TMED7: variants seen among roughly 807,000 people sequenced by gnomAD.
The protein encoded by TMED7 is transmembrane p24 trafficking protein 7.
In TMED7, 8 loss-of-function variants were observed where a neutral mutation model predicts 23.4. The observed-to-expected ratio is 0.34, with a 90% CI of 0.20 to 0.62. The LOEUF is 0.62. Ranked by LOEUF, TMED7 falls within the 20% of genes least tolerant of loss-of-function variation. TMED7 has a pLI of 0.77. For missense variants in TMED7, 232 were observed against 279.1 expected, an observed-to-expected ratio of 0.83 and a Z score of 1.20; for synonymous variants, 121 against 108.5, an observed-to-expected ratio of 1.12 and a Z score of -0.72.
Position 115,625,132 on chromosome 5 carries a change from G to T in TMED7, c.192+469C>A, listed in dbSNP as rs553289628. ...TCTACAACTCCCTTGGCAAATGGCC[G>T]TTCAACCTGTAATGGAGCTCTTCCA... On this transcript the variant is annotated intron_variant, in intron 1 of 2. Coordinates refer to ENST00000456936, the MANE Select transcript of TMED7 (RefSeq NM_181836.6). Among the ~76,000 whole-genome samples, 7 of 152,270 alleles carry T rather than the reference G, an allele frequency of 4.6e-5. No individual in the cohort carries two copies. The East Asian group carries it at 1.4e-3, about 29-fold the overall frequency.
In TMED7 at chr5:115,620,280, G is replaced by A. The variant is rs1336947214; in HGVS notation, c.438+155C>T. 4.7e-6 allele frequency: 5 copies of A among 1,057,372 alleles called. No individual in the cohort carries two copies. The Admixed American group carries it at 2.1e-4, about 44-fold the overall frequency. The allele number at this position is 1,057,372 out of a possible 1,614,324, so 65.5% of individuals were successfully genotyped here. Reference sequence around the variant, plus strand: ...TTATTTTTCACTACAAAAGTCTGAAGTTCTCTGTGAAATGCCTACATGTAA... The same window carrying A: ...TTATTTTTCACTACAAAAGTCTGAAATTCTCTGTGAAATGCCTACATGTAA... On this transcript the variant is annotated intron_variant, in intron 2 of 2. Coordinates refer to ENST00000456936, the MANE Select transcript of TMED7 (RefSeq NM_181836.6).
chr5:115,624,975 G>A lies in TMED7; in HGVS notation c.192+626C>T, dbSNP rs73782724. Among the ~76,000 whole-genome samples the A allele has an allele frequency of 4.1e-3, 632 of 152,334 alleles. 3 individuals carry two copies. The highest frequency in any genetic ancestry group is 0.014 in the African/African-American group (597 of 41,574). ...TTCAATAGCTACTCAAATGTTAAAT[G>A]CGCCTACCAACCAAAATTGAAGCTC... On this transcript the variant is annotated intron_variant, in intron 1 of 2. Transcript: ENST00000456936.
At chr5:115,618,839 C>G (rs1407646697) in intron 2 of TMED7, among the ~76,000 whole-genome samples, 1 of 152,098 alleles carries the variant, frequency 6.6e-6, no homozygotes. Flanking sequence ...ACTCTAAATC[C>G]ATCATTTTAT....
intron 1 of TMED7, among the ~76,000 whole-genome samples, chr5:115,622,014 A>G (rs868017102): frequency 3.5e-4 from 54 of 152,324 alleles, no homozygotes; most frequent in Middle Eastern, 3.4e-3. Flanking sequence ...AAAATATGTA[A>G]ATGTTAATAT....
In TMED7 at chr5:115,616,153, TA is replaced by T; in HGVS notation, c.*55del. Reference sequence around the variant, plus strand: ...TATTAAGTTCTTCAGTACCTAAAATTAATTAGAGGACAGCAATATTACAGTG... The same window carrying T: ...TATTAAGTTCTTCAGTACCTAAAATTATTAGAGGACAGCAATATTACAGTG... On this transcript the variant is annotated 3_prime_UTR_variant, in exon 3 of 3. Coordinates refer to ENST00000456936, the MANE Select transcript of TMED7 (RefSeq NM_181836.6). 1 of 1,538,118 alleles carries T rather than the reference TA, an allele frequency of 6.5e-7. No individual in the cohort carries two copies.
intron 1 of TMED7, among the ~76,000 whole-genome samples, chr5:115,621,346 G>A (rs1441629740): frequency 2.0e-5 from 3 of 152,144 alleles, no homozygotes; most frequent in Non-Finnish European, 4.4e-5. Flanking sequence ...GTTGAGTAAC[G>A]GAGTGGGCTA....
rs1429627805 is a variant in TMED7, at chr5:115,614,590, T to C, written c.*1619A>G. 1 of 152,362 alleles carries C rather than the reference T, an allele frequency of 6.6e-6. No homozygotes were observed. The highest frequency in any genetic ancestry group is 6.5e-5 in the Admixed American group (1 of 15,276). The allele number at this position is 152,362 out of a possible 1,614,324, so 9.4% of individuals were successfully genotyped here. A position where few individuals can be genotyped will look rare whatever the true frequency, so the allele number is the denominator to read the frequency against. Reference sequence around the variant, plus strand: ...AATCTTAAACTTCTTAATCCATTGATAAATATTAAGGAGTAGCTGGTCTTC... The same window carrying C: ...AATCTTAAACTTCTTAATCCATTGACAAATATTAAGGAGTAGCTGGTCTTC... On this transcript the variant is annotated 3_prime_UTR_variant, in exon 3 of 3. Coordinates refer to ENST00000456936, the MANE Select transcript of TMED7 (RefSeq NM_181836.6).
intron 1 of TMED7, among the ~76,000 whole-genome samples, chr5:115,623,329 T>C (rs149019529): frequency 6.6e-6 from 1 of 152,196 alleles, no homozygotes. Context: ...GCTGGTCACA[T>C]AGGCATATTC....
chr5:115,621,925 G>C (rs1757044087), intron 1 of TMED7, among the ~76,000 whole-genome samples: 1 of 152,170 alleles, frequency 6.6e-6, no homozygotes, highest in African/African-American at 2.4e-5. Context: ...TTTCTCACTT[G>C]AGAGAAGATG....
At chr5:115,625,159 T>C (rs1291510037) in intron 1 of TMED7, among the ~76,000 whole-genome samples, 1 of 152,192 alleles carries the variant, frequency 6.6e-6, no homozygotes, top group Non-Finnish European at 1.5e-5. Flanking sequence ...GCTCTTCCAA[T>C]GACAAGGACC....
In TMED7 at chr5:115,615,290, T is replaced by C. The variant is rs1038251934; in HGVS notation, c.*919A>G. ...ATGAGGATAAAATGTATGGCACTTA[T>C]GTGTGAGACTAATACTAACAATTGT... On this transcript the variant is annotated 3_prime_UTR_variant, in exon 3 of 3. Coordinates refer to ENST00000456936, the MANE Select transcript of TMED7 (RefSeq NM_181836.6). 4 of 152,620 alleles carry C rather than the reference T, an allele frequency of 2.6e-5. No homozygotes were observed. Among genetic ancestry groups the C allele is most frequent in the South Asian group, 2.1e-4 (1 of 4,838 alleles). The allele number at this position is 152,620 out of a possible 1,614,324, so 9.5% of individuals were successfully genotyped here. A position where few individuals can be genotyped will look rare whatever the true frequency, so the allele number is the denominator to read the frequency against.
intron 1 of TMED7, among the ~76,000 whole-genome samples, chr5:115,623,019 T>G (rs1005831093): frequency 5.3e-5 from 8 of 152,190 alleles, no homozygotes; most frequent in African/African-American, 1.7e-4. Context: ...ACTATATATG[T>G]CTATGTAAGC....
Position 115,625,794 on chromosome 5 carries a change from C to T in TMED7, c.-2G>A. 2.1e-6 allele frequency: 3 copies of T among 1,418,656 alleles called. No homozygotes were observed. The highest frequency in any genetic ancestry group is 2.7e-6 in the Non-Finnish European group (3 of 1,091,106). The allele number at this position is 1,418,656 out of a possible 1,614,324, so 87.9% of individuals were successfully genotyped here. A position where few individuals can be genotyped will look rare whatever the true frequency, so the allele number is the denominator to read the frequency against. ...CTGCGCGGACCCCGGCCGCGGCATC[C>T]CGAGAAGGCGGCGGCGGCCTCAACC... On this transcript the variant is annotated 5_prime_UTR_variant, in exon 1 of 3. Coordinates refer to ENST00000456936, the MANE Select transcript of TMED7 (RefSeq NM_181836.6).
Position 115,625,962 on chromosome 5 carries a change from G to T in TMED7, c.-170C>A, listed in dbSNP as rs1047269475. 38 of 940,866 alleles carry T rather than the reference G, an allele frequency of 4.0e-5. No homozygotes were observed. In the Admixed American group the frequency reaches 1.2e-3, roughly 29 times the overall value. 58.3% of individuals were successfully genotyped at this position (940,866 alleles called of 1,614,324 possible). On this transcript the variant is annotated 5_prime_UTR_variant, in exon 1 of 3. Coordinates refer to ENST00000456936, the MANE Select transcript of TMED7 (RefSeq NM_181836.6). ...TCAGAGCGACCCTCCGGCTTCCTGT[G>T]AGGGGCGCAGACGGGCGGACCTGGG...
At chr5:115,619,267 A>G (rs1203993699) in intron 2 of TMED7, 2 of 152,206 alleles carry the variant, frequency 1.3e-5, no homozygotes, top group South Asian at 2.1e-4. Flanking sequence ...TAAAATAAAG[A>G]GAACATTTCT....
intron 1 of TMED7, 74 bp downstream of exon 1, chr5:115,625,527 G>A: frequency 2.9e-6 from 4 of 1,385,524 alleles, no homozygotes; most frequent in Non-Finnish European, 3.8e-6. Context: ...GGACAGGAAA[G>A]TGCCATCCCT....
chr5:115,616,578 CA>C, intron 2 of TMED7, 133 bp from the exon 3 acceptor site: 3 of 1,308,220 alleles, frequency 2.3e-6, no homozygotes, highest in Non-Finnish European at 3.1e-6. Context: ...TTCATTCATA[CA>C]TTTATGCCAG....
intron 1 of TMED7, among the ~76,000 whole-genome samples, chr5:115,620,983 G>C (rs1464484652): frequency 1.3e-5 from 2 of 152,048 alleles, no homozygotes; most frequent in African/African-American, 4.8e-5. Flanking sequence ...CCTTCCATTT[G>C]ACAGACTGAA....
intron 2 of TMED7, 97 bp downstream of exon 2, chr5:115,620,337 TC>T (rs999225993): frequency 7.5e-7 from 1 of 1,327,650 alleles, no homozygotes; most frequent in African/African-American, 1.5e-5. Context: ...ACTGTCAGTC[TC>T]AAAATTCCAT....
Sources: allele counts gnomAD v4.1 joint callset (sites outside exome capture counted in the v4.1 genomes callset), GRCh38; gene constraint gnomAD v4.1.1; transcripts MANE v1.5; gene names NCBI Gene and HGNC (gene_info 2026-07-23, HGNC 2026-07-21).